Variants in PCSK4 observed in about 807,000 individuals in gnomAD.
The protein encoded by PCSK4 is testicular tissue protein Li 135.
Under a neutral mutation model 80.3 loss-of-function variants are expected in PCSK4, and 64 were observed. The observed-to-expected ratio is 0.80, with a 90% CI of 0.65 to 0.98. PCSK4 has a LOEUF of 0.98. PCSK4 is among the 50% of genes least tolerant of loss of function. The pLI, the probability that PCSK4 is intolerant of heterozygous loss-of-function variation, is 0.00. For missense variants in PCSK4, 1,213 were observed against 1,093.6 expected, an observed-to-expected ratio of 1.11 and a Z score of -1.54; for synonymous variants, 561 against 487.6, an observed-to-expected ratio of 1.15 and a Z score of -1.98.
chr19:1,488,415 G>T (rs2084756517), intron 2 of PCSK4, 135 bp from the exon 3 acceptor site: 1 of 661,530 alleles, frequency 1.5e-6, no homozygotes, highest in African/African-American at 1.8e-5. Flanking sequence ...CATGTGCCTG[G>T]GGCTCTGTCT....
intron 5 of PCSK4, 42 bp from the exon 6 acceptor site, chr19:1,487,733 C>G (rs1366289191): frequency 5.2e-6 from 8 of 1,547,192 alleles, no homozygotes; most frequent in African/African-American, 1.4e-5. Context: ...CGGCCTCCAT[C>G]CCCCTGCCGG....
exon 12 of PCSK4, chr19:1,483,437 C>T: frequency 6.3e-7 from 1 of 1,598,112 alleles, no homozygotes; most frequent in Non-Finnish European, 8.5e-7. Context: ...TACGTTTTCC[C>T]TGATGTAGAT....
intron 2 of PCSK4, among the ~76,000 whole-genome samples, chr19:1,489,112 G>A (rs2084796152): frequency 6.6e-6 from 1 of 151,258 alleles, no homozygotes; most frequent in African/African-American, 2.4e-5. Context: ...GGGCCACTGG[G>A]TGACTGTAAG....
chr19:1,482,605 T>C (rs1568203422), intron 13 of PCSK4, 130 bp from the exon 14 acceptor site: 1 of 1,158,304 alleles, frequency 8.6e-7, no homozygotes, highest in African/African-American at 1.5e-5. Context: ...TCTCAGGGAA[T>C]TGCACACCTA....
At chr19:1,483,081 A>G (rs1003766075) in intron 12 of PCSK4, 61 bp from the exon 13 acceptor site, 29 of 1,453,948 alleles carry the variant, frequency 2.0e-5, no homozygotes, top group African/African-American at 8.4e-5. Flanking sequence ...TGAAGCCGGC[A>G]GAGCCCCATG....
exon 2 of PCSK4, chr19:1,489,859 C>T: frequency 6.2e-7 from 1 of 1,610,576 alleles, no homozygotes; most frequent in Non-Finnish European, 8.5e-7. Flanking sequence ...GGACCACGCC[C>T]CGGTGCCGCA....
At chr19:1,488,223 G>A in exon 3 of PCSK4, 2 of 1,613,336 alleles carry the variant, frequency 1.2e-6, no homozygotes, top group Non-Finnish European at 1.7e-6. Context: ...GGGTCCGTGG[G>A]CACCACGACA....
exon 12 of PCSK4, chr19:1,483,293 A>T (rs777274919): frequency 6.3e-7 from 1 of 1,597,604 alleles, no homozygotes; most frequent in Admixed American, 1.7e-5. Context: ...CCGTATGGCC[A>T]CGAGTGTGGA....
At chr19:1,483,046 G>A in intron 12 of PCSK4, 26 bp from the exon 13 acceptor site, 1 of 1,493,292 alleles carries the variant, frequency 6.7e-7, no homozygotes, top group South Asian at 1.3e-5. Context: ...GGGTGGGGGT[G>A]GGGGTGTCAA....
chr19:1,481,664 G>T, exon 15 of PCSK4: 1 of 841,638 alleles, frequency 1.2e-6, no homozygotes, highest in Non-Finnish European at 1.8e-6. Context: ...GGGTGCTGGT[G>T]CTCGCTCCTC....
chr19:1,483,480 G>T lies in PCSK4; in HGVS notation c.1392-17C>A, dbSNP rs377195678. ...AGGATGGGGCTGAGGGGGTCGAGGG[G>T]TGAGGACCCTCCTGCGGCCTGCTGG... On this transcript the variant is annotated splice_polypyrimidine_tract_variant and intron_variant, in intron 11 of 14. Transcript: ENST00000300954. The T allele has an allele frequency of 1.3e-6, 2 of 1,553,072 alleles. No homozygotes were observed. The highest frequency in any genetic ancestry group is 8.7e-7 in the Non-Finnish European group (1 of 1,145,382).
Position 1,488,358 on chromosome 19 carries a change from C to T in PCSK4, c.295-78G>A. On this transcript the variant is annotated intron_variant, in intron 2 of 14. Coordinates refer to ENST00000300954, the Ensembl canonical transcript of PCSK4. ...TCGTGGTTCAGGGAGTGAGGCAGCC[C>T]CGTGCCCTGGGACCCTGTGTTTGTG... 4.6e-6 allele frequency: 5 copies of T among 1,088,842 alleles called. No homozygotes were observed. The South Asian group carries it at 6.6e-5, about 14-fold the overall frequency. 67.4% of individuals were successfully genotyped at this position (1,088,842 alleles called of 1,614,324 possible).
chr19:1,485,157 T>A (rs565025263), intron 8 of PCSK4, among the ~76,000 whole-genome samples: 36 of 146,802 alleles, frequency 2.5e-4, no homozygotes, highest in South Asian at 1.1e-3. Context: ...CAAAAAAATT[T>A]AAAAAAAAAG....
intron 6 of PCSK4, 28 bp downstream of exon 6, chr19:1,487,575 A>G (rs2084697969): frequency 1.3e-6 from 2 of 1,529,816 alleles, no homozygotes; most frequent in Non-Finnish European, 8.9e-7. Flanking sequence ...TCTGTCCCGG[A>G]ATGGTGCCGC....
chr19:1,482,262 C>T (rs1218802299), intron 14 of PCSK4, 55 bp from the exon 15 acceptor site: 2 of 1,526,178 alleles, frequency 1.3e-6, no homozygotes, highest in Admixed American at 2.0e-5. Flanking sequence ...CAGCCTGTTA[C>T]TCGCCACCCG....
chr19:1,490,051 A>G, intron 1 of PCSK4, 107 bp downstream of exon 1: 3 of 1,524,586 alleles, frequency 2.0e-6, no homozygotes, highest in Non-Finnish European at 2.7e-6. Context: ...GTGGGCTGGG[A>G]CTCTTGATAT....
chr19:1,481,952 C>T (rs766710426), exon 15 of PCSK4: 10 of 1,593,894 alleles, frequency 6.3e-6, no homozygotes, highest in Middle Eastern at 2.0e-4. Context: ...AAGCCGGGGG[C>T]GGCTGTCGGG....
Position 1,482,463 on chromosome 19 carries a change from C to T in PCSK4, c.1709G>A (p.Arg570His), listed in dbSNP as rs760175008. 28 of 1,604,826 alleles carry T rather than the reference C, an allele frequency of 1.7e-5. No homozygotes were observed. The Admixed American group carries it at 3.2e-4, about 18-fold the overall frequency. ...CGTCCCATAGAGCAGCAGCGTGTAG[C>T]GGTACAACGTCCCTGGACAGGGGTC... Residue 570 changes from arginine to histidine, a missense_variant, in exon 14 of 15, where the codon CGC becomes CAC. Arg to His is a conservative substitution (Grantham distance 29). Coordinates refer to ENST00000300954, the Ensembl canonical transcript of PCSK4.
At chr19:1,484,236 C>G in intron 8 of PCSK4, 109 bp from the exon 9 acceptor site, 1 of 638,706 alleles carries the variant, frequency 1.6e-6, no homozygotes, top group South Asian at 1.7e-5. Context: ...GCCTGTCATC[C>G]CAGCACTTTG....
Sources: gnomAD v4.1 joint callset for allele counts (sites outside exome capture counted in the v4.1 genomes callset) on GRCh38, gnomAD v4.1.1 for gene constraint, MANE v1.5 for transcripts, NCBI Gene and HGNC (gene_info 2026-07-23, HGNC 2026-07-21) for gene names.